The following STAP2 variants were observed in gnomAD, a reference collection of about 807,000 sequenced individuals.
The protein encoded by STAP2 is signal transducing adaptor family member 2.
A neutral mutation model predicts 52.7 loss-of-function variants in STAP2; 58 were observed. The ratio of observed to expected loss-of-function variants is 1.10; its 90% CI spans 0.89 to 1.37. STAP2 has a LOEUF of 1.37. Among genes scored for constraint, STAP2 ranks in the 40% most tolerant of loss-of-function variants. The pLI, the probability that STAP2 is intolerant of heterozygous loss-of-function variation, is 0.00. For synonymous variants in STAP2, 231 were observed against 210.5 expected (o/e 1.10, Z -0.84); for missense variants, 522 against 519.4 (o/e 1.00, Z -0.05).
At position 4,327,297 on chromosome 19, in the gene STAP2, A is replaced by C. The variant is rs1440275590; in HGVS notation, c.660+19T>G. On this transcript the variant is annotated intron_variant, in intron 7 of 12. Transcript: ENST00000594605. ...GGACCCCACAAAGTCACTTCTAGGGACTCTGGCCCAACGCTCACCGGCTGT... is the reference window on the plus strand; with the variant it reads ...GGACCCCACAAAGTCACTTCTAGGGCCTCTGGCCCAACGCTCACCGGCTGT... 6.2e-7 allele frequency: 1 copy of C among 1,613,880 alleles called. No individual in the cohort carries two copies. The highest frequency in any genetic ancestry group is 1.1e-5 in the South Asian group (1 of 91,080).
chr19:4,335,022 C>G (rs560498015), intron 1 of STAP2, among the ~76,000 whole-genome samples: 447 of 149,660 alleles, frequency 3.0e-3, no homozygotes, highest in African/African-American at 0.01. Flanking sequence ...ATCCACCCAT[C>G]CATCCACCTA....
chr19:4,328,824 G>C lies in STAP2; in HGVS notation c.456-15C>G. The C allele has an allele frequency of 1.9e-6, 3 of 1,605,050 alleles. No homozygotes were observed. The South Asian group carries it at 3.3e-5, about 18-fold the overall frequency. Reference sequence around the variant, plus strand: ...TCAGGAAGCACCTGTGGCGGGCCGCGTCACCCACTCGGGACCCCGGAGACC... The same window carrying C: ...TCAGGAAGCACCTGTGGCGGGCCGCCTCACCCACTCGGGACCCCGGAGACC... On this transcript the variant is annotated splice_polypyrimidine_tract_variant and intron_variant, in intron 5 of 12. Transcript: ENST00000594605.
intron 1 of STAP2, among the ~76,000 whole-genome samples, chr19:4,335,065 TATC>T (rs1358488725): frequency 2.1e-5 from 2 of 97,078 alleles, no homozygotes; most frequent in African/African-American, 8.1e-5. Context: ...ACCCACCATC[TATC>T]ATCCATCCAC....
chr19:4,325,007 C>T (rs548611812), intron 11 of STAP2: 25 of 546,734 alleles, frequency 4.6e-5, no homozygotes, highest in Admixed American at 4.1e-4. Flanking sequence ...GGCATGGTGG[C>T]GGGCACCTGT....
chr19:4,327,535 C>G (rs1971815182), intron 6 of STAP2, 150 bp from the exon 7 acceptor site: 1 of 828,786 alleles, frequency 1.2e-6, no homozygotes, highest in Admixed American at 2.2e-5. Flanking sequence ...CTGACTGGTT[C>G]CACCCCATAA....
intron 5 of STAP2, 198 bp from the exon 6 acceptor site, chr19:4,329,007 G>GT (rs112439398): frequency 0.032 from 19,142 of 590,814 alleles, 123 homozygotes; most frequent in African/African-American, 0.079. Context: ...GGGGTTTTTT[G>GT]TTTTTTTTTT....
chr19:4,338,699 A>C lies in STAP2; in HGVS notation c.55T>G (p.Ser19Ala), dbSNP rs756637708. The C allele has an allele frequency of 1.9e-6, 3 of 1,613,742 alleles. No homozygotes were observed. Among genetic ancestry groups the C allele is most frequent in the Non-Finnish European group, 2.5e-6 (3 of 1,179,828 alleles). Residue 19 changes from serine to alanine, a missense_variant, in exon 1 of 13, where the codon TCA becomes GCA. Coordinates refer to ENST00000594605, the MANE Select transcript of STAP2 (RefSeq NM_001013841.2). ...TCTAGAAAGCTCTCATAGTAGTGTGAAGGCAGGACACCCTTAGGCTTGGGG... is the reference window on the plus strand; with the variant it reads ...TCTAGAAAGCTCTCATAGTAGTGTGCAGGCAGGACACCCTTAGGCTTGGGG... ...RVPKPKGVLP[S>A]HYYESFLEKK... is the part of the protein sequence containing the mutation.
chr19:4,334,101 T>C, intron 1 of STAP2, 57 bp from the exon 2 acceptor site: 1 of 1,476,142 alleles, frequency 6.8e-7, no homozygotes, highest in South Asian at 1.2e-5. Context: ...GTGCCTTTCA[T>C]GTACTCAATC....
rs1471813094 is a variant in STAP2, at chr19:4,332,073, C to T, written c.303G>A (p.Glu101=). 4 of 1,611,522 alleles carry T rather than the reference C, an allele frequency of 2.5e-6. No homozygotes were observed. The African/African-American group carries it at 4.0e-5, about 16-fold the overall frequency. The change falls in exon 4 of 13, where the codon GAG becomes GAA. Residue 101 remains glutamate, a synonymous_variant. Coordinates refer to ENST00000594605, the MANE Select transcript of STAP2 (RefSeq NM_001013841.2). ...LRDQEIKFKV[E]TLECREMWKG... ...TCCACATTTCCCGACACTCCAAGGT[C>T]TCTACCTGGGGAACAAAAGAAAGGA...
intron 4 of STAP2, among the ~76,000 whole-genome samples, chr19:4,330,834 C>T (rs907792490): frequency 2.7e-5 from 4 of 150,918 alleles, no homozygotes; most frequent in African/African-American, 9.7e-5. Flanking sequence ...CCTGCCTCAG[C>T]CTCCCGAGTA....
In STAP2 at chr19:4,334,414, T is replaced by C. The variant is rs115247253; in HGVS notation, c.103-370A>G. ...TCCAGCTACCCACTAGCCATCTATC[T>C]ATCATCCATCTGTCCATCCGCCCAC... is the stretch of plus-strand genomic sequence containing the variant. On this transcript the variant is annotated intron_variant, in intron 1 of 12. Transcript: ENST00000594605. Among the ~76,000 whole-genome samples, 505 of 152,132 alleles carry C rather than the reference T, an allele frequency of 3.3e-3. 2 individuals are homozygous for C. Among genetic ancestry groups the C allele is most frequent in the African/African-American group, 0.012 (483 of 41,496 alleles).
chr19:4,325,068 G>A, intron 11 of STAP2, 148 bp downstream of exon 11: 1 of 666,080 alleles, frequency 1.5e-6, no homozygotes, highest in Non-Finnish European at 2.6e-6. Context: ...GAACCCAGGA[G>A]GCGGAGCTTG....
rs993736875 is a variant in STAP2 at position 4,334,176 on chromosome 19, T to C, written c.103-132A>G. The C allele has an allele frequency of 4.5e-5, 30 of 663,622 alleles. No individual in the cohort carries two copies. The African/African-American group carries it at 5.2e-4, about 11-fold the overall frequency. 41.1% of individuals were successfully genotyped at this position (663,622 alleles called of 1,614,324 possible). Reference sequence around the variant, plus strand: ...ACGCTGCCCCCAGATCTTTATTACCTCCTGCCTTGAGTTTCTGATCAAATG... The same window carrying C: ...ACGCTGCCCCCAGATCTTTATTACCCCCTGCCTTGAGTTTCTGATCAAATG... On this transcript the variant is annotated intron_variant, in intron 1 of 12. Transcript: ENST00000594605.
chr19:4,330,649 G>T (rs1353105691), intron 4 of STAP2, among the ~76,000 whole-genome samples: 1 of 151,826 alleles, frequency 6.6e-6, no homozygotes, highest in Non-Finnish European at 1.5e-5. Context: ...TAGGAAACAG[G>T]GAAATCAGAG....
At chr19:4,328,463 C>CT in intron 6 of STAP2, among the ~76,000 whole-genome samples, 1 of 73,162 alleles carries the variant, frequency 1.4e-5, no homozygotes, top group Non-Finnish European at 2.6e-5. Flanking sequence ...GCTCTGACTC[C>CT]TCCCCCAATC....
At position 4,331,038 on chromosome 19, in the gene STAP2, A is replaced by C. The variant is rs1599552121; in HGVS notation, c.355-977T>G. Among the ~76,000 whole-genome samples the C allele has an allele frequency of 4.0e-5, 6 of 151,688 alleles. No homozygotes were observed. In the South Asian group the frequency reaches 1.3e-3, roughly 32 times the overall value. ...AATGTCAGCTAATTTTTAAAAACTT[A>C]GCACTCTGTGGCCAGGCATGGTGGC... On this transcript the variant is annotated intron_variant, in intron 4 of 12. Coordinates refer to ENST00000594605, the MANE Select transcript of STAP2 (RefSeq NM_001013841.2).
intron 5 of STAP2, 75 bp from the exon 6 acceptor site, chr19:4,328,884 C>CA: frequency 6.5e-7 from 1 of 1,546,194 alleles, no homozygotes. Context: ...CCTGCCTCCT[C>CA]TGAGACCCAG....
chr19:4,337,750 C>T (rs555423984), intron 1 of STAP2, among the ~76,000 whole-genome samples: 30 of 151,840 alleles, frequency 2.0e-4, no homozygotes, highest in Admixed American at 1.1e-3. Context: ...GGCTGAGGCA[C>T]GAGAATCGCT....
At chr19:4,325,684 G>A in intron 9 of STAP2, 139 bp from the exon 10 acceptor site, 1 of 1,118,846 alleles carries the variant, frequency 8.9e-7, no homozygotes, top group Non-Finnish European at 1.2e-6. Flanking sequence ...ATAAGTCTGT[G>A]TCTGGGCCGG....
Sources: allele counts gnomAD v4.1 joint callset (sites outside exome capture counted in the v4.1 genomes callset), GRCh38; gene constraint gnomAD v4.1.1; transcripts MANE v1.5; gene names NCBI Gene and HGNC (gene_info 2026-07-23, HGNC 2026-07-21).